ZNF469: variants seen among roughly 807,000 people sequenced by gnomAD.
ZNF469 encodes zinc finger protein 469.
In ZNF469, 1 loss-of-function variant was observed where a neutral mutation model predicts 1.0. The ratio of observed to expected loss-of-function variants is 1.00; its 90% CI spans 0.35 to 4.73. ZNF469 has a LOEUF of 4.73. Ranked by LOEUF, ZNF469 falls within the 30% of genes most tolerant of loss-of-function variation. The probability of loss-of-function intolerance (pLI) is 0.16; values close to 1 mark genes in which losing one functional copy is unlikely to be tolerated. For synonymous variants in ZNF469, 2,703 were observed against 2,363.4 expected (o/e 1.14, Z -4.17); for missense variants, 6,100 against 5,356.3 (o/e 1.14, Z -4.33).
chr16:88,344,344 T>C, the ZNF469 span, among the ~76,000 whole-genome samples: 1 of 152,028 alleles, frequency 6.6e-6, no homozygotes, highest in East Asian at 1.9e-4. Flanking sequence ...GTGTCCACAG[T>C]GATGTGAGAT....
At chr16:88,392,330 G>A (rs1256532603) in intron 1 of ZNF469, among the ~76,000 whole-genome samples, 1 of 152,264 alleles carries the variant, frequency 6.6e-6, no homozygotes, top group Admixed American at 6.5e-5. Flanking sequence ...GTCTCTGAGT[G>A]CCCTTGTGCC....
the ZNF469 span, among the ~76,000 whole-genome samples, chr16:88,236,165 G>A: frequency 6.6e-6 from 1 of 152,228 alleles, no homozygotes; most frequent in African/African-American, 2.4e-5. Context: ...CCTTTGAAAT[G>A]TGCTAGATGC....
chr16:88,396,755 C>CGGG (rs1904683109), intron 1 of ZNF469, among the ~76,000 whole-genome samples: 1 of 148,378 alleles, frequency 6.7e-6, no homozygotes, highest in Non-Finnish European at 1.5e-5. Flanking sequence ...AAAGGGAGGC[C>CGGG]AGGAGGAGAC....
At chr16:88,164,090 T>A in the ZNF469 span, among the ~76,000 whole-genome samples, 1 of 147,056 alleles carries the variant, frequency 6.8e-6, no homozygotes, top group Non-Finnish European at 1.5e-5. Flanking sequence ...GGTGGGTGGA[T>A]GAACGGGGTC....
At chr16:88,268,795 C>T in the ZNF469 span, among the ~76,000 whole-genome samples, 2 of 152,220 alleles carry the variant, frequency 1.3e-5, no homozygotes, top group Non-Finnish European at 2.9e-5. Flanking sequence ...GCCCCAGACA[C>T]TCGCTTGAAG....
In ZNF469 at chr16:88,440,555, A is replaced by T. The variant is rs1906925641; in HGVS notation, c.*1223A>T. 6.6e-6 allele frequency: 1 copy of T among 152,150 alleles called. No homozygotes were observed. Among genetic ancestry groups the T allele is most frequent in the Non-Finnish European group, 1.5e-5 (1 of 68,024 alleles). 9.4% of individuals were successfully genotyped at this position (152,150 alleles called of 1,614,324 possible). On this transcript the variant is annotated 3_prime_UTR_variant, in exon 3 of 3. Coordinates refer to ENST00000565624, the MANE Select transcript of ZNF469 (RefSeq NM_001367624.2). Reference sequence around the variant, plus strand: ...TATTGTTTAGTTTTTACTTGGGTGCAATGTGTACGTCAAAAGTTTTTATTT... The same window carrying T: ...TATTGTTTAGTTTTTACTTGGGTGCTATGTGTACGTCAAAAGTTTTTATTT...
At chr16:88,254,659 G>T in the ZNF469 span, among the ~76,000 whole-genome samples, 93 of 152,354 alleles carry the variant, frequency 6.1e-4, no homozygotes, top group Middle Eastern at 0.034. Flanking sequence ...TCCGGAGGCT[G>T]AGGCAGGAGA....
the ZNF469 span, among the ~76,000 whole-genome samples, chr16:88,215,383 ATT>A: frequency 1.1e-5 from 1 of 94,190 alleles, no homozygotes; most frequent in African/African-American, 4.4e-5. Context: ...TTGCCTTTTA[ATT>A]TTTTTTTTTT....
chr16:88,312,766 C>T, the ZNF469 span, among the ~76,000 whole-genome samples: 110 of 152,282 alleles, frequency 7.2e-4, no homozygotes, highest in Non-Finnish European at 7.8e-4. Flanking sequence ...GCCTTTACAA[C>T]GCAGTCAATG....
At chr16:88,421,644 G>A (rs970812823) in intron 1 of ZNF469, among the ~76,000 whole-genome samples, 2 of 152,234 alleles carry the variant, frequency 1.3e-5, no homozygotes, top group African/African-American at 4.8e-5. Flanking sequence ...CCCGCAAGCT[G>A]GGCAGGCAGA....
the ZNF469 span, among the ~76,000 whole-genome samples, chr16:88,114,474 G>A: frequency 2.0e-5 from 3 of 149,218 alleles, no homozygotes; most frequent in African/African-American, 7.7e-5. Flanking sequence ...CACTGACTGC[G>A]GGGGTCTCCG....
the ZNF469 span, among the ~76,000 whole-genome samples, chr16:88,230,359 C>G: frequency 1.3e-5 from 2 of 152,214 alleles, no homozygotes; most frequent in Non-Finnish European, 2.9e-5. Context: ...AGAGGCAGGC[C>G]TTGGGAGCAA....
At chr16:88,271,414 A>G in the ZNF469 span, among the ~76,000 whole-genome samples, 6 of 134,730 alleles carry the variant, frequency 4.5e-5, 1 homozygote, top group African/African-American at 7.5e-5. Context: ...AACAGCCCAG[A>G]CAGAGGCATG....
the ZNF469 span, among the ~76,000 whole-genome samples, chr16:88,313,048 G>A: frequency 6.6e-6 from 1 of 152,154 alleles, no homozygotes; most frequent in African/African-American, 2.4e-5. Flanking sequence ...TGTTATTATC[G>A]TGGCTCCTGG....
chr16:88,254,948 G>A, the ZNF469 span, among the ~76,000 whole-genome samples: 1 of 151,988 alleles, frequency 6.6e-6, no homozygotes, highest in African/African-American at 2.4e-5. Context: ...CCATGAACAT[G>A]GTATACTTCT....
At chr16:88,226,967 C>T in the ZNF469 span, among the ~76,000 whole-genome samples, 40,698 of 85,892 alleles carry the variant, frequency 0.47, 9,320 homozygotes, top group Middle Eastern at 0.63. Flanking sequence ...TCCACCCGTG[C>T]CTCCTCCGCG....
the ZNF469 span, among the ~76,000 whole-genome samples, chr16:88,308,221 TGAC>T: frequency 2.0e-5 from 3 of 152,230 alleles, no homozygotes; most frequent in Admixed American, 1.3e-4. Flanking sequence ...TGCCAGCTCT[TGAC>T]TTCTGTGCTT....
chr16:88,117,323 T>C, the ZNF469 span, among the ~76,000 whole-genome samples: 1 of 152,320 alleles, frequency 6.6e-6, no homozygotes, highest in East Asian at 1.9e-4. Context: ...TGCGTGTGGC[T>C]CTCTCTGCCT....
rs1201053623 is a variant in ZNF469, at chr16:88,436,368, C to G, written c.8898C>G (p.Ser2966Arg). The G allele has an allele frequency of 1.3e-6, 2 of 1,550,120 alleles. No homozygotes were observed. Among genetic ancestry groups the G allele is most frequent in the East Asian group, 2.4e-5 (1 of 40,908 alleles). ...TCAGCCTGTGGGCCCTGGAGCCCAG[C>G]AGGGAAGCTGGTGCAGAGAAGCTGC... ...PGLSLWALEPSREAGAEKLPS... is the reference protein window; with the variant it reads ...PGLSLWALEPRREAGAEKLPS... Residue 2966 changes from serine to arginine, a missense_variant, in exon 3 of 3, where the codon AGC becomes AGG. Transcript: ENST00000565624.
Sources: gnomAD v4.1 joint callset for allele counts (sites outside exome capture counted in the v4.1 genomes callset) on GRCh38, gnomAD v4.1.1 for gene constraint, MANE v1.5 for transcripts, NCBI Gene and HGNC (gene_info 2026-07-23, HGNC 2026-07-21) for gene names.